MPZL1: variants seen among roughly 807,000 people sequenced by gnomAD.
MPZL1 encodes myelin protein zero-like protein 1.
A neutral mutation model predicts 29.3 loss-of-function variants in MPZL1; 16 were observed. The ratio of observed to expected loss-of-function variants is 0.55; its 90% CI spans 0.37 to 0.83. MPZL1 has a LOEUF of 0.83. MPZL1 is among the 40% of genes least tolerant of loss of function. The pLI, the probability that MPZL1 is intolerant of heterozygous loss-of-function variation, is 0.00. For missense variants in MPZL1, 279 were observed against 332.9 expected, an observed-to-expected ratio of 0.84 and a Z score of 1.26; for synonymous variants, 143 against 132.0, an observed-to-expected ratio of 1.08 and a Z score of -0.57.
rs569450761 is a variant in MPZL1, at chr1:167,786,083, A to G, written c.709-1737A>G. On this transcript the variant is annotated intron_variant, in intron 5 of 5. Transcript: ENST00000359523. ...GCTGGGATTACAGGCGTGAGCCACCACACCCGGCCGAAAACAGTCTTTTTA... is the reference window on the plus strand; with the variant it reads ...GCTGGGATTACAGGCGTGAGCCACCGCACCCGGCCGAAAACAGTCTTTTTA... Among the ~76,000 whole-genome samples, 283 of 152,240 alleles carry G rather than the reference A, an allele frequency of 1.9e-3. 3 individuals are homozygous for G. The highest frequency in any genetic ancestry group is 6.0e-3 in the South Asian group (29 of 4,828).
chr1:167,772,635 T>C, intron 3 of MPZL1, 147 bp downstream of exon 3: 1 of 680,360 alleles, frequency 1.5e-6, no homozygotes, highest in South Asian at 2.0e-5. Flanking sequence ...CCTGTGGCTC[T>C]ACCAAACACA....
intron 1 of MPZL1, among the ~76,000 whole-genome samples, chr1:167,724,550 A>T: frequency 6.6e-6 from 1 of 152,208 alleles, no homozygotes; most frequent in East Asian, 1.9e-4. Context: ...GAGCTTGGAA[A>T]CATTGATGCA....
intron 1 of MPZL1, among the ~76,000 whole-genome samples, chr1:167,747,763 T>C (rs1422668166): frequency 6.6e-6 from 1 of 152,152 alleles, no homozygotes; most frequent in African/African-American, 2.4e-5. Context: ...TACTGTGATA[T>C]AATTCACATA....
intron 1 of MPZL1, among the ~76,000 whole-genome samples, chr1:167,727,994 A>AGTGATTCTCCTGCCTCAGCCTCCCAG: frequency 9.5e-6 from 1 of 105,698 alleles, no homozygotes; most frequent in African/African-American, 3.4e-5. Context: ...CAGCCTCCCA[A>AGTGATTCTCCTGCCTCAGCCTCCCAG]GTAACTGGGA....
chr1:167,752,343 G>A (rs1660776265), intron 1 of MPZL1, among the ~76,000 whole-genome samples: 1 of 152,132 alleles, frequency 6.6e-6, no homozygotes, highest in African/African-American at 2.4e-5. Context: ...GGAAGATAAG[G>A]TGGCATAAAT....
intron 5 of MPZL1, 25 bp downstream of exon 5, chr1:167,776,191 C>T (rs533015095): frequency 1.3e-6 from 2 of 1,538,532 alleles, no homozygotes; most frequent in Non-Finnish European, 9.0e-7. Context: ...CGATTCTGCC[C>T]ACTGCACTGT....
chr1:167,777,618 G>A (rs536753901), intron 5 of MPZL1, among the ~76,000 whole-genome samples: 1 of 152,312 alleles, frequency 6.6e-6, no homozygotes, highest in East Asian at 1.9e-4. Context: ...CAGAGATTTG[G>A]AGCGGGGTCC....
At position 167,789,231 on chromosome 1, in the gene MPZL1, A is replaced by G. The variant is rs1407958152; in HGVS notation, c.*1310A>G. Reference sequence around the variant, plus strand: ...GTTTTTACTTTTTACTGGGAATGGAAAGTGTGGTGAAGATCATTCAACACT... The same window carrying G: ...GTTTTTACTTTTTACTGGGAATGGAGAGTGTGGTGAAGATCATTCAACACT... On this transcript the variant is annotated 3_prime_UTR_variant, in exon 6 of 6. Transcript: ENST00000359523. 1 of 152,196 alleles carries G rather than the reference A, an allele frequency of 6.6e-6. No individual in the cohort carries two copies. The highest frequency in any genetic ancestry group is 2.4e-5 in the African/African-American group (1 of 41,440). The allele number at this position is 152,196 out of a possible 1,614,324, so 9.4% of individuals were successfully genotyped here. A position where few individuals can be genotyped will look rare whatever the true frequency, so the allele number is the denominator to read the frequency against.
At chr1:167,779,129 A>G (rs1310594365) in intron 5 of MPZL1, among the ~76,000 whole-genome samples, 1 of 150,664 alleles carries the variant, frequency 6.6e-6, no homozygotes, top group Non-Finnish European at 1.5e-5. Context: ...CTCAAAAAAG[A>G]AAAAAAGAAA....
intron 5 of MPZL1, among the ~76,000 whole-genome samples, chr1:167,776,586 C>G (rs570689590): frequency 3.3e-5 from 5 of 152,008 alleles, no homozygotes; most frequent in Admixed American, 1.3e-4. Flanking sequence ...ATAATAAAAC[C>G]AAAATTATTT....
rs371291585 is a variant in MPZL1 at position 167,772,400 on chromosome 1, A to G, written c.384A>G (p.Ile128Met). 50 of 1,613,986 alleles carry G rather than the reference A, an allele frequency of 3.1e-5. No homozygotes were observed. The highest frequency in any genetic ancestry group is 3.9e-5 in the Non-Finnish European group (46 of 1,179,962). ...TCAACATAGAAAATATGCAGTTTAT[A>G]CACAATGGCACCTATATCTGTGATG... is the stretch of plus-strand genomic sequence containing the variant. Reference protein sequence around the residue: ...ASINIENMQFIHNGTYICDVK... With the variant: ...ASINIENMQFMHNGTYICDVK... The change falls in exon 3 of 6, where the codon ATA (isoleucine) becomes ATG (methionine). Residue 128 changes from isoleucine to methionine, a missense_variant. By Grantham distance (10) the Ile-to-Met change is conservative. Coordinates refer to ENST00000359523, the MANE Select transcript of MPZL1 (RefSeq NM_003953.6).
intron 2 of MPZL1, among the ~76,000 whole-genome samples, chr1:167,767,404 C>G (rs140136718): frequency 6.6e-6 from 1 of 152,210 alleles, no homozygotes; most frequent in African/African-American, 2.4e-5. Flanking sequence ...TAATAACTTT[C>G]TTTTAAAGAG....
rs1356676818 is a variant in MPZL1 at position 167,788,849 on chromosome 1, G to C, written c.*928G>C. On this transcript the variant is annotated 3_prime_UTR_variant, in exon 6 of 6. Coordinates refer to ENST00000359523, the MANE Select transcript of MPZL1 (RefSeq NM_003953.6). ...TGTTGCCGCTCTCCAATCTCCCAGA[G>C]CTCGCTCTCTAGAGAATCACCTTCT... 2 of 150,480 alleles carry C rather than the reference G, an allele frequency of 1.3e-5. No individual in the cohort carries two copies. Among genetic ancestry groups the C allele is most frequent in the African/African-American group, 4.9e-5 (2 of 40,842 alleles). The allele number at this position is 150,480 out of a possible 1,614,324, so 9.3% of individuals were successfully genotyped here.
chr1:167,767,229 C>G (rs1020642576), intron 2 of MPZL1, among the ~76,000 whole-genome samples: 1 of 152,224 alleles, frequency 6.6e-6, no homozygotes, highest in Non-Finnish European at 1.5e-5. Flanking sequence ...GAGGCATTCT[C>G]TGCTTCACGT....
intron 4 of MPZL1, among the ~76,000 whole-genome samples, chr1:167,775,084 A>G (rs1661336667): frequency 6.6e-6 from 1 of 152,216 alleles, no homozygotes; most frequent in African/African-American, 2.4e-5. Context: ...TTCATGTAAA[A>G]TGCCATTGTG....
chr1:167,761,580 G>C (rs1439149516), intron 1 of MPZL1, among the ~76,000 whole-genome samples: 2 of 152,324 alleles, frequency 1.3e-5, no homozygotes, highest in East Asian at 3.9e-4. Context: ...AGCTGGGAGT[G>C]AGAAACCAGA....
chr1:167,722,227 G>A lies in MPZL1; in HGVS notation c.76G>A (p.Ala26Thr). Residue 26 changes from alanine to threonine, a missense_variant, in exon 1 of 6, where the codon GCG becomes ACG. Physicochemically the swap from Ala to Thr is moderately conservative, Grantham distance 58 (BLOSUM62 0). Transcript: ENST00000359523. The part of the protein sequence containing the change: ...SRRWLWSVLA[A>T]ALGLLTAGVS... ...GCGCTGGCTGTGGTCGGTGCTGGCG[G>A]CGGCGCTTGGGCTCTGTAAGTGATG... 29 of 1,239,580 alleles carry A rather than the reference G, an allele frequency of 2.3e-5. No individual in the cohort carries two copies. Among genetic ancestry groups the A allele is most frequent in the Non-Finnish European group, 2.7e-5 (27 of 988,048 alleles). 76.8% of individuals were successfully genotyped at this position (1,239,580 alleles called of 1,614,324 possible). A position where few individuals can be genotyped will look rare whatever the true frequency, so the allele number is the denominator to read the frequency against.
intron 1 of MPZL1, among the ~76,000 whole-genome samples, chr1:167,736,699 C>T (rs966230236): frequency 2.0e-5 from 3 of 152,100 alleles, no homozygotes; most frequent in African/African-American, 7.2e-5. Flanking sequence ...TCCATTGTCC[C>T]AGGACAAATG....
chr1:167,784,998 T>C (rs1439449712), intron 5 of MPZL1, among the ~76,000 whole-genome samples: 1 of 152,222 alleles, frequency 6.6e-6, no homozygotes, highest in Non-Finnish European at 1.5e-5. Flanking sequence ...TAAAAGATAA[T>C]TCTGTGTTCT....
Sources: gnomAD v4.1 joint callset for allele counts (sites outside exome capture counted in the v4.1 genomes callset) on GRCh38, gnomAD v4.1.1 for gene constraint, MANE v1.5 for transcripts, NCBI Gene and HGNC (gene_info 2026-07-23, HGNC 2026-07-21) for gene names.